The following SORCS1 variants were observed in gnomAD, a reference collection of about 807,000 sequenced individuals.
SORCS1 encodes VPS10 domain-containing receptor SorCS1.
Under a neutral mutation model 146.1 loss-of-function variants are expected in SORCS1, and 60 were observed. The observed-to-expected ratio is 0.41, with a 90% CI of 0.33 to 0.51. The LOEUF (loss-of-function observed/expected upper bound fraction) is 0.51. SORCS1 is among the 20% of genes least tolerant of loss of function. The probability of loss-of-function intolerance (pLI) is 0.21; values close to 1 mark genes in which losing one functional copy is unlikely to be tolerated. For synonymous variants in SORCS1, 637 were observed against 584.0 expected, an observed-to-expected ratio of 1.09 and a Z score of -1.31; for missense variants, 1,352 against 1,487.6, an observed-to-expected ratio of 0.91 and a Z score of 1.50.
chr10:106,656,418 G>C (rs996088019), intron 17 of SORCS1, among the ~76,000 whole-genome samples: 2 of 152,162 alleles, frequency 1.3e-5, no homozygotes, highest in Non-Finnish European at 2.9e-5. Context: ...GGGCTTGCTG[G>C]CGGGCGCCTG....
At position 106,577,132 on chromosome 10, in the gene SORCS1, G is replaced by C; in HGVS notation, c.*288C>G. The C allele has an allele frequency of 8.5e-7, 1 of 1,172,876 alleles. No homozygotes were observed. The highest frequency in any genetic ancestry group is 1.1e-6 in the Non-Finnish European group (1 of 871,408). The allele number at this position is 1,172,876 out of a possible 1,614,324, so 72.7% of individuals were successfully genotyped here. ...AAGAATTAAAAAGTCCCGATGCAGT[G>C]AGTGTTTGTTTGTTTGTTTGGATTT... On this transcript the variant is annotated 3_prime_UTR_variant, in exon 26 of 26. Transcript: ENST00000263054.
chr10:107,020,964 T>C (rs1449213937), intron 1 of SORCS1, among the ~76,000 whole-genome samples: 1 of 151,720 alleles, frequency 6.6e-6, no homozygotes, highest in Non-Finnish European at 1.5e-5. Context: ...TTTCTCCACT[T>C]TTTTTTTAAT....
At chr10:107,067,993 A>G (rs1962048199) in intron 1 of SORCS1, among the ~76,000 whole-genome samples, 1 of 152,042 alleles carries the variant, frequency 6.6e-6, no homozygotes, top group African/African-American at 2.4e-5. Context: ...ATAAACAGAA[A>G]CGCTGCTTCC....
chr10:107,060,413 T>C lies in SORCS1; in HGVS notation c.558+103556A>G, dbSNP rs1321152475. On this transcript the variant is annotated intron_variant, in intron 1 of 25. Transcript: ENST00000263054. The surrounding 1 kb of genome is among the most constrained non-coding windows in gnomAD (Gnocchi z 4.1). Reference sequence around the variant, plus strand: ...AAAATGTAGAGTGAGGCAAATTTCTTTGCTGTAATTTTTTATTGTCATGTA... The same window carrying C: ...AAAATGTAGAGTGAGGCAAATTTCTCTGCTGTAATTTTTTATTGTCATGTA... 1.3e-5 allele frequency among the ~76,000 whole-genome samples: 2 copies of C among 152,084 alleles called. No homozygotes were observed. Among genetic ancestry groups the C allele is most frequent in the Non-Finnish European group, 2.9e-5 (2 of 67,994 alleles).
chr10:107,017,024 A>G (rs533933315), intron 1 of SORCS1, among the ~76,000 whole-genome samples: 1 of 152,354 alleles, frequency 6.6e-6, no homozygotes, highest in African/African-American at 2.4e-5. Flanking sequence ...ACTTGGTGAA[A>G]TGTGGAGCCA....
At chr10:107,181,039 T>C in the SORCS1 span, among the ~76,000 whole-genome samples, 1 of 152,172 alleles carries the variant, frequency 6.6e-6, no homozygotes, top group Non-Finnish European at 1.5e-5. Flanking sequence ...TATTATAAAA[T>C]AGTAAAACTG....
chr10:106,730,603 A>G (rs377691777), intron 5 of SORCS1, among the ~76,000 whole-genome samples: 2 of 152,150 alleles, frequency 1.3e-5, no homozygotes, highest in African/African-American at 4.8e-5. Flanking sequence ...GTTACAGCAG[A>G]GTGATGATTC....
chr10:107,131,112 T>A (rs1966863956), intron 1 of SORCS1, among the ~76,000 whole-genome samples: 2 of 152,240 alleles, frequency 1.3e-5, no homozygotes, highest in African/African-American at 2.4e-5. Context: ...AGGTCCTATA[T>A]ACACTCTCCT....
chr10:106,833,429 C>T (rs1015885262), intron 2 of SORCS1, among the ~76,000 whole-genome samples: 9 of 152,180 alleles, frequency 5.9e-5, no homozygotes, highest in South Asian at 2.1e-4. Context: ...CAAGTTTCAT[C>T]GGTAGAACCA....
chr10:106,802,788 C>T (rs577222704), intron 3 of SORCS1, among the ~76,000 whole-genome samples: 3 of 151,990 alleles, frequency 2.0e-5, no homozygotes, highest in Admixed American at 6.5e-5. Flanking sequence ...CGTGAGCCAC[C>T]GTGCCCAGCC....
chr10:106,679,108 AC>A (rs1852246149), intron 12 of SORCS1, 147 bp downstream of exon 12: 3 of 549,168 alleles, frequency 5.5e-6, no homozygotes, highest in Non-Finnish European at 9.8e-6. Context: ...AACATTTAAG[AC>A]TTTTATATAA....
At chr10:106,916,722 T>C (rs1465973056) in intron 2 of SORCS1, among the ~76,000 whole-genome samples, 1 of 151,550 alleles carries the variant, frequency 6.6e-6, no homozygotes, top group Non-Finnish European at 1.5e-5. Context: ...TTATATCAGC[T>C]TCACAAAGTA....
At chr10:106,780,578 T>C (rs1860811501) in intron 3 of SORCS1, among the ~76,000 whole-genome samples, 1 of 152,214 alleles carries the variant, frequency 6.6e-6, no homozygotes, top group Admixed American at 6.5e-5. Flanking sequence ...AATGAGTCCT[T>C]TTCATTCCTG....
chr10:106,632,064 A>T (rs76229094), intron 18 of SORCS1, among the ~76,000 whole-genome samples: 1 of 152,292 alleles, frequency 6.6e-6, no homozygotes, highest in Non-Finnish European at 1.5e-5. Flanking sequence ...TAGGTCAGGT[A>T]TTTTATATAT....
rs142487789 is a variant in SORCS1, at chr10:106,651,590, C to G, written c.2475+792G>C. ...TTTTAATCCTGGGTGTCATTGTTAG[C>G]CTTTAAAATTCCTTCATATTTACAG... On this transcript the variant is annotated intron_variant, in intron 18 of 25. Coordinates refer to ENST00000263054, the MANE Select transcript of SORCS1 (RefSeq NM_052918.5). 2.4e-3 allele frequency among the ~76,000 whole-genome samples: 372 copies of G among 152,188 alleles called. 2 individuals carry two copies. The highest frequency in any genetic ancestry group is 8.6e-3 in the African/African-American group (358 of 41,528).
chr10:106,909,242 T>C (rs1484923889), intron 2 of SORCS1, among the ~76,000 whole-genome samples: 2 of 152,238 alleles, frequency 1.3e-5, no homozygotes, highest in Admixed American at 6.5e-5. Flanking sequence ...GCTGCCTTGC[T>C]TGCCCTCAAT....
chr10:107,164,682 G>T lies in SORCS1; in HGVS notation c.-156C>A. On this transcript the variant is annotated 5_prime_UTR_variant, in exon 1 of 26. Coordinates refer to ENST00000263054, the MANE Select transcript of SORCS1 (RefSeq NM_052918.5). This position sits in a 1 kb window ranked among gnomAD's most constrained non-coding sequence, Gnocchi z 6.8. ...GCGGAGGCGGCGCCGGGCAGGTGGC[G>T]GCCGCTTGCCCGGGCTGGGCTTGTG... The T allele has an allele frequency of 1.8e-6, 1 of 550,826 alleles. No homozygotes were observed. Among genetic ancestry groups the T allele is most frequent in the South Asian group, 8.1e-5 (1 of 12,318 alleles). 34.1% of individuals were successfully genotyped at this position (550,826 alleles called of 1,614,324 possible). A position where few individuals can be genotyped will look rare whatever the true frequency, so the allele number is the denominator to read the frequency against.
chr10:106,712,259 G>A (rs1855049604), intron 6 of SORCS1, among the ~76,000 whole-genome samples: 1 of 152,178 alleles, frequency 6.6e-6, no homozygotes, highest in Non-Finnish European at 1.5e-5. Context: ...AGGAATTAGG[G>A]GGTGTAAGGA....
At chr10:107,017,198 A>T (rs1957933832) in intron 1 of SORCS1, among the ~76,000 whole-genome samples, 1 of 152,244 alleles carries the variant, frequency 6.6e-6, no homozygotes, top group African/African-American at 2.4e-5. Flanking sequence ...GACATGCACA[A>T]ATGTTTGTAT....
Sources: allele counts gnomAD v4.1 joint callset (sites outside exome capture counted in the v4.1 genomes callset), GRCh38; gene constraint gnomAD v4.1.1; non-coding constraint Gnocchi (gnomAD v3.1); transcripts MANE v1.5; gene names NCBI Gene and HGNC (gene_info 2026-07-23, HGNC 2026-07-21).